The following RPP30 variants were observed in gnomAD, a reference collection of about 807,000 sequenced individuals.
RPP30 encodes the protein ribonuclease P/MRP subunit p30.
RPP30 carries 36 observed loss-of-function variants against 38.6 expected under a neutral mutation model. The observed-to-expected ratio is 0.93, with a 90% confidence interval of 0.71 to 1.23. The LOEUF is 1.23. RPP30 is among the 50% of genes most tolerant of loss of function. RPP30 has a pLI of 0.00. For missense variants in RPP30, 321 were observed against 321.7 expected (o/e 1.00, Z 0.02); for synonymous variants, 126 against 112.7 (o/e 1.12, Z -0.75).
chr10:90,883,387 G>T (rs941645543), intron 5 of RPP30, among the ~76,000 whole-genome samples: 1 of 151,950 alleles, frequency 6.6e-6, no homozygotes, highest in Non-Finnish European at 1.5e-5. Context: ...TAACCCCAAG[G>T]CTCTATTGGG....
At chr10:90,907,919 T>C (rs868357089), downstream of RPP30, among the ~76,000 whole-genome samples, 1 of 152,204 alleles carries the variant, frequency 6.6e-6, no homozygotes, top group South Asian at 2.1e-4. Flanking sequence ...TGTGTGAACA[T>C]CACAGAGTGT....
intron 5 of RPP30, among the ~76,000 whole-genome samples, chr10:90,881,489 G>A (rs1309303912): frequency 6.6e-6 from 1 of 152,094 alleles, no homozygotes; most frequent in Non-Finnish European, 1.5e-5. Context: ...AAAATACTTT[G>A]GAAGATGGAA....
At chr10:90,872,245 G>T in intron 1 of RPP30, 177 bp downstream of exon 1, 1 of 615,310 alleles carries the variant, frequency 1.6e-6, no homozygotes, top group Non-Finnish European at 3.0e-6. Context: ...GAAACTCGAA[G>T]GTTCTGGGGG....
At chr10:90,873,917 A>G (rs1238108210) in intron 1 of RPP30, among the ~76,000 whole-genome samples, 2 of 152,192 alleles carry the variant, frequency 1.3e-5, no homozygotes, top group Non-Finnish European at 2.9e-5. Context: ...ACTTATAAAA[A>G]ACATGTATTT....
chr10:90,881,995 C>A (rs1846935410), intron 5 of RPP30, among the ~76,000 whole-genome samples: 1 of 152,092 alleles, frequency 6.6e-6, no homozygotes, highest in African/African-American at 2.4e-5. Context: ...GAAGATGTCT[C>A]ATAGAAACTC....
At chr10:90,875,431 C>A in intron 2 of RPP30, 127 bp from the exon 3 acceptor site, 2 of 692,846 alleles carry the variant, frequency 2.9e-6, no homozygotes, top group South Asian at 2.1e-5. Flanking sequence ...TTTTGAATAC[C>A]AGAAATCACC....
chr10:90,893,046 G>T (rs1432097322), intron 6 of RPP30, among the ~76,000 whole-genome samples: 1 of 152,192 alleles, frequency 6.6e-6, no homozygotes, highest in Non-Finnish European at 1.5e-5. Context: ...ATCAACACAG[G>T]TGAAAGAATT....
rs183850491 is a variant in RPP30 at position 90,901,480 on chromosome 10, G to A, written c.*801G>A. On this transcript the variant is annotated 3_prime_UTR_variant, in exon 11 of 11. Coordinates refer to ENST00000371703, the MANE Select transcript of RPP30 (RefSeq NM_006413.5). ...TTGTGGAAGGAGAGAGGATACACAT[G>A]TAAAATTACATCTGGTCTCTTCCTT... 5.1e-6 allele frequency: 5 copies of A among 984,718 alleles called. No individual in the cohort carries two copies. Among genetic ancestry groups the A allele is most frequent in the Non-Finnish European group, 6.0e-6 (5 of 829,438 alleles). 61.0% of individuals were successfully genotyped at this position (984,718 alleles called of 1,614,324 possible). A position where few individuals can be genotyped will look rare whatever the true frequency, so the allele number is the denominator to read the frequency against.
chr10:90,883,571 T>A (rs1386035700), intron 5 of RPP30, among the ~76,000 whole-genome samples: 1 of 152,220 alleles, frequency 6.6e-6, no homozygotes, highest in South Asian at 2.1e-4. Flanking sequence ...GGGAGCCATG[T>A]GGAGCTGTCC....
At position 90,900,570 on chromosome 10, in the gene RPP30, A is replaced by G. The variant is rs528447803; in HGVS notation, c.698A>G (p.Glu233Gly). The G allele has an allele frequency of 1.2e-6, 2 of 1,609,560 alleles. No individual in the cohort carries two copies. Among genetic ancestry groups the G allele is most frequent in the Non-Finnish European group, 1.7e-6 (2 of 1,178,544 alleles). ...AGTGGTTTCCCTGTTTGTTTTACAG[A>G]AACTAGAAAAACTGCTTTTGGAATT... ...TNCRAALLHG[E>G]TRKTAFGIIS... The change falls in exon 11 of 11, where the codon GAA becomes GGA. Residue 233 changes from glutamate to glycine, a missense_variant and splice_region_variant. Transcript: ENST00000371703.
downstream of RPP30, among the ~76,000 whole-genome samples, chr10:90,903,668 C>G (rs1045584598): frequency 1.3e-5 from 2 of 152,162 alleles, no homozygotes; most frequent in African/African-American, 4.8e-5. Context: ...TATTTACTTT[C>G]GTTAGAATGA....
chr10:90,896,469 T>C, intron 10 of RPP30, 77 bp downstream of exon 10: 1 of 1,126,814 alleles, frequency 8.9e-7, no homozygotes, highest in Non-Finnish European at 1.3e-6. Flanking sequence ...CTATTTTTAT[T>C]GCCCTACCCT....
chr10:90,885,085 A>C lies in RPP30; in HGVS notation c.343-727A>C, dbSNP rs900065034. Among the ~76,000 whole-genome samples, 11 of 152,118 alleles carry C rather than the reference A, an allele frequency of 7.2e-5. No individual in the cohort carries two copies. In the East Asian group the frequency reaches 2.1e-3, roughly 29 times the overall value. Reference sequence around the variant, plus strand: ...ATTTTCCATTTATCCTGATTTTCTTATCTGTTTATTTTATCTTGTATGTGG... The same window carrying C: ...ATTTTCCATTTATCCTGATTTTCTTCTCTGTTTATTTTATCTTGTATGTGG... On this transcript the variant is annotated intron_variant, in intron 5 of 10. Transcript: ENST00000371703.
At chr10:90,877,705 A>G (rs1016870544) in intron 4 of RPP30, among the ~76,000 whole-genome samples, 24 of 152,048 alleles carry the variant, frequency 1.6e-4, no homozygotes, top group African/African-American at 5.8e-4. Flanking sequence ...TATAATAGGG[A>G]TGTGGAAAAA....
At chr10:90,874,745 G>C (rs1420778273) in intron 1 of RPP30, 124 bp from the exon 2 acceptor site, 2 of 504,066 alleles carry the variant, frequency 4.0e-6, no homozygotes. Context: ...TGACACTAGA[G>C]TTCACATTCA....
At chr10:90,876,183 A>G (rs899297448) in intron 4 of RPP30, 85 bp downstream of exon 4, 2 of 878,750 alleles carry the variant, frequency 2.3e-6, no homozygotes, top group African/African-American at 1.7e-5. Flanking sequence ...TGTCTTCCCC[A>G]TTTTACATTT....
chr10:90,892,754 T>C (rs1847097628), intron 6 of RPP30, among the ~76,000 whole-genome samples: 1 of 152,252 alleles, frequency 6.6e-6, no homozygotes, highest in African/African-American at 2.4e-5. Context: ...AGGAGATGGC[T>C]GATAATATGG....
rs1390183489 is a variant in RPP30, at chr10:90,902,092, C to T, written c.*1413C>T. On this transcript the variant is annotated 3_prime_UTR_variant, in exon 11 of 11. Coordinates refer to ENST00000371703, the MANE Select transcript of RPP30 (RefSeq NM_006413.5). ...GATTACAGGCGTTAGCCACTGCGCC[C>T]GGCCCGAGAAAATACAGTTTTAAAA... The T allele has an allele frequency of 2.0e-5, 20 of 990,646 alleles. No individual in the cohort carries two copies. Among genetic ancestry groups the T allele is most frequent in the Middle Eastern group, 5.1e-4 (1 of 1,944 alleles). The allele number at this position is 990,646 out of a possible 1,614,324, so 61.4% of individuals were successfully genotyped here. A position where few individuals can be genotyped will look rare whatever the true frequency, so the allele number is the denominator to read the frequency against.
rs940460695 is a variant in RPP30 at position 90,901,573 on chromosome 10, C to T, written c.*894C>T. The T allele has an allele frequency of 3.6e-5, 35 of 984,942 alleles. No homozygotes were observed. The Admixed American group carries it at 4.9e-4, about 14-fold the overall frequency. 61.0% of individuals were successfully genotyped at this position (984,942 alleles called of 1,614,324 possible). A position where few individuals can be genotyped will look rare whatever the true frequency, so the allele number is the denominator to read the frequency against. On this transcript the variant is annotated 3_prime_UTR_variant, in exon 11 of 11. Transcript: ENST00000371703. ...TACTTTTAGTTAGAAACCCCTAAAA[C>T]GCTAATATTGATTTTCCTGATAGCT...
Sources: allele counts gnomAD v4.1 joint callset (sites outside exome capture counted in the v4.1 genomes callset), GRCh38; gene constraint gnomAD v4.1.1; transcripts MANE v1.5; gene names NCBI Gene and HGNC (gene_info 2026-07-23, HGNC 2026-07-21).